CTDP1: variants seen among roughly 807,000 people sequenced by gnomAD.
CTDP1 encodes the protein CTD phosphatase 1.
CTDP1 carries 47 observed loss-of-function variants against 91.8 expected under a neutral mutation model. That is an observed-to-expected ratio of 0.51 (90% CI 0.41 to 0.65). CTDP1 has a LOEUF of 0.65. Ranked by LOEUF, CTDP1 falls within the 30% of genes least tolerant of loss-of-function variation. CTDP1 has a pLI of 0.00. For missense variants in CTDP1, 1,272 were observed against 1,373.7 expected, an observed-to-expected ratio of 0.93 and a Z score of 1.17; for synonymous variants, 656 against 598.5, an observed-to-expected ratio of 1.10 and a Z score of -1.40.
At chr18:79,733,944 T>C (rs1201259517) in intron 11 of CTDP1, among the ~76,000 whole-genome samples, 1 of 152,242 alleles carries the variant, frequency 6.6e-6, no homozygotes, top group Admixed American at 6.5e-5. Flanking sequence ...TTACATACTT[T>C]TAAATTTTCC....
intron 8 of CTDP1, among the ~76,000 whole-genome samples, chr18:79,716,584 CCTT>C (rs1467254755): frequency 6.6e-6 from 1 of 152,064 alleles, no homozygotes; most frequent in Non-Finnish European, 1.5e-5. Flanking sequence ...CCGGGGTCCT[CCTT>C]GGCCCCTCAG....
At chr18:79,710,928 A>G (rs1425146680) in intron 6 of CTDP1, among the ~76,000 whole-genome samples, 3 of 151,994 alleles carry the variant, frequency 2.0e-5, no homozygotes, top group Non-Finnish European at 4.4e-5. Context: ...GAATACTTAG[A>G]AAGTTCCTTT....
At chr18:79,679,578 A>C (rs1299779194), upstream of CTDP1, 6 of 467,048 alleles carry the variant, frequency 1.3e-5, no homozygotes, top group Non-Finnish European at 2.1e-5. Context: ...GCGCGCCAAG[A>C]CCGTCACTGG....
chr18:79,704,129 G>A (rs774121139), intron 4 of CTDP1, among the ~76,000 whole-genome samples: 3 of 152,200 alleles, frequency 2.0e-5, no homozygotes, highest in African/African-American at 4.8e-5. Context: ...GGGCATTCCC[G>A]CAGCAGAGAA....
chr18:79,729,190 G>T (rs895351000), intron 11 of CTDP1, 121 bp downstream of exon 11: 161 of 1,282,864 alleles, frequency 1.3e-4, no homozygotes, highest in Non-Finnish European at 1.8e-4. Context: ...CTGCACTTGT[G>T]TAGTTGTGTC....
At position 79,679,898 on chromosome 18, in the gene CTDP1, TGAGCGCAGCG is replaced by T; in HGVS notation, c.-49_-40del. Reference sequence around the variant, plus strand: ...TGTCGCCGCGGTAGGCGCTGCGCTCTGAGCGCAGCGCAGGCCCCGTACCGACCGCCCGCCC... The same window carrying T: ...TGTCGCCGCGGTAGGCGCTGCGCTCTCAGGCCCCGTACCGACCGCCCGCCC... On this transcript the variant is annotated 5_prime_UTR_variant, in exon 1 of 13. Transcript: ENST00000613122. The T allele has an allele frequency of 7.7e-7, 1 of 1,303,838 alleles. No homozygotes were observed. The highest frequency in any genetic ancestry group is 9.8e-7 in the Non-Finnish European group (1 of 1,016,788). The allele number at this position is 1,303,838 out of a possible 1,614,324, so 80.8% of individuals were successfully genotyped here.
chr18:79,743,050 G>T lies in CTDP1; in HGVS notation c.2747+6529G>T, dbSNP rs553533158. ...TTGCCAGTAGCCGCGCCGAGGAGGG[G>T]CCTAGGATTAAATGACAGCAGATGG... is the stretch of plus-strand genomic sequence containing the variant. On this transcript the variant is annotated intron_variant, in intron 12 of 12. Coordinates refer to ENST00000613122, the MANE Select transcript of CTDP1 (RefSeq NM_004715.5). 4.6e-5 allele frequency among the ~76,000 whole-genome samples: 7 copies of T among 152,352 alleles called. No homozygotes were observed. The East Asian group carries it at 1.3e-3, about 29-fold the overall frequency.
rs79257976 is a variant in CTDP1 at position 79,715,573 on chromosome 18, G to C, written c.2068+45G>C. The C allele has an allele frequency of 4.3e-3, 6,499 of 1,516,910 alleles. 259 individuals carry two copies. In the East Asian group the frequency reaches 0.094, roughly 22 times the overall value. The allele number at this position is 1,516,910 out of a possible 1,614,324, so 94.0% of individuals were successfully genotyped here. Reference sequence around the variant, plus strand: ...GCCCTGGGCATGGTCAGGCCCGCGGGCTCCTTGCAGGCACTCCTTAGAGTT... The same window carrying C: ...GCCCTGGGCATGGTCAGGCCCGCGGCCTCCTTGCAGGCACTCCTTAGAGTT... On this transcript the variant is annotated intron_variant, in intron 8 of 12. Coordinates refer to ENST00000613122, the MANE Select transcript of CTDP1 (RefSeq NM_004715.5).
At position 79,696,053 on chromosome 18, in the gene CTDP1, T is replaced by G; in HGVS notation, c.475T>G (p.Leu159Val). Residue 159 changes from leucine (L) to valine (V), a missense_variant, in exon 3 of 13, where the codon TTG becomes GTG. Physicochemically the swap from Leu to Val is conservative, Grantham distance 32. Transcript: ENST00000613122. ...TVSMVHSVPELMVSSEQAEQL... is the reference protein window; with the variant it reads ...TVSMVHSVPEVMVSSEQAEQL... ...GTCCATGGTGCACAGCGTGCCGGAGTTGATGGTGAGCTCCGAGGTGAGCCG... is the reference window on the plus strand; with the variant it reads ...GTCCATGGTGCACAGCGTGCCGGAGGTGATGGTGAGCTCCGAGGTGAGCCG... 6.2e-7 allele frequency: 1 copy of G among 1,611,766 alleles called. No individual in the cohort carries two copies. Among genetic ancestry groups the G allele is most frequent in the South Asian group, 1.1e-5 (1 of 91,060 alleles).
intron 8 of CTDP1, among the ~76,000 whole-genome samples, chr18:79,716,033 C>T (rs977042991): frequency 6.6e-6 from 1 of 152,226 alleles, no homozygotes; most frequent in African/African-American, 2.4e-5. Context: ...CATGTTGAAA[C>T]TTCCGCCGAA....
chr18:79,749,323 C>A (rs1599325858), intron 12 of CTDP1, among the ~76,000 whole-genome samples: 1 of 152,170 alleles, frequency 6.6e-6, no homozygotes, highest in East Asian at 1.9e-4. Flanking sequence ...GGTCGGGGCC[C>A]CTGCCCCTGC....
chr18:79,736,830 GCAGGCATGTGTGAGGTGTCTA>G (rs2086678843), intron 12 of CTDP1, among the ~76,000 whole-genome samples: 3 of 151,846 alleles, frequency 2.0e-5, no homozygotes, highest in African/African-American at 4.8e-5. Flanking sequence ...GCACGTGTGC[GCAGGCATGTGTGAGGTGTCTA>G]CAGGCGTGTG....
rs1186297884 is a variant in CTDP1 at position 79,750,203 on chromosome 18, A to G, written c.2748-3449A>G. ...CGCGGAGATTTTTTTTTTTTAAGAC[A>G]GGGTCTTGCTCTGTCGCCCAGGCTG... On this transcript the variant is annotated intron_variant, in intron 12 of 12. Transcript: ENST00000613122. Among the ~76,000 whole-genome samples, 6 of 152,016 alleles carry G rather than the reference A, an allele frequency of 3.9e-5. No homozygotes were observed. The East Asian group carries it at 1.2e-3, about 29-fold the overall frequency.
chr18:79,713,972 TC>T lies in CTDP1; in HGVS notation c.1031-518del, dbSNP rs2086136828. ...GGCTTACGGCCACGGTGGCGCCAGGTCTGCAGGGGCTTACGGCCACGGTGGT... is the reference window on the plus strand; with the variant it reads ...GGCTTACGGCCACGGTGGCGCCAGGTTGCAGGGGCTTACGGCCACGGTGGT... On this transcript the variant is annotated intron_variant, in intron 7 of 12. Transcript: ENST00000613122. This position sits in a 1 kb window ranked among gnomAD's most constrained non-coding sequence, Gnocchi z 4.7. Among the ~76,000 whole-genome samples the T allele has an allele frequency of 1.9e-5, 2 of 107,926 alleles. No homozygotes were observed. The highest frequency in any genetic ancestry group is 6.3e-5 in the African/African-American group (2 of 31,802). 70.8% of individuals were successfully genotyped at this position (107,926 alleles called of 152,430 possible). A position where few individuals can be genotyped will look rare whatever the true frequency, so the allele number is the denominator to read the frequency against.
chr18:79,704,904 A>G lies in CTDP1; in HGVS notation c.759A>G (p.Ala253=), dbSNP rs978655653. The G allele has an allele frequency of 3.7e-6, 6 of 1,613,340 alleles. No individual in the cohort carries two copies. The Admixed American group carries it at 6.7e-5, about 18-fold the overall frequency. ...TCACCTTCGGCAGCCGGCTGTACGC[A>G]CACACCATCGCAGGTCAGTCAAGCC... The part of the protein sequence containing the change: ...HVFTFGSRLY[A]HTIAGFLDPE... Residue 253 remains alanine, a synonymous_variant, in exon 5 of 13, where the codon GCA becomes GCG. Coordinates refer to ENST00000613122, the MANE Select transcript of CTDP1 (RefSeq NM_004715.5).
At chr18:79,746,485 C>T (rs114910264) in intron 12 of CTDP1, among the ~76,000 whole-genome samples, 2,900 of 152,364 alleles carry the variant, frequency 0.019, 97 homozygotes, top group African/African-American at 0.065. Flanking sequence ...ACATAGCACG[C>T]GGAGTTTTGG....
chr18:79,733,410 G>A lies in CTDP1; in HGVS notation c.2581-2945G>A, dbSNP rs530758964. Among the ~76,000 whole-genome samples, 3 of 152,340 alleles carry A rather than the reference G, an allele frequency of 2.0e-5. No individual in the cohort carries two copies. The East Asian group carries it at 5.8e-4, about 29-fold the overall frequency. ...CATGGAACTGCGGGGAAGGGAAGGT[G>A]CCGGAACCAGGGCTGGGAGATCACT... is the stretch of plus-strand genomic sequence containing the variant. On this transcript the variant is annotated intron_variant, in intron 11 of 12. Coordinates refer to ENST00000613122, the MANE Select transcript of CTDP1 (RefSeq NM_004715.5).
At chr18:79,753,102 G>A (rs112483403) in intron 12 of CTDP1, among the ~76,000 whole-genome samples, 6 of 129,442 alleles carry the variant, frequency 4.6e-5, no homozygotes, top group African/African-American at 1.3e-4. Context: ...GCAGAGGCTC[G>A]TAAGGAAAGC....
At chr18:79,736,847 G>A (rs141076658) in intron 12 of CTDP1, among the ~76,000 whole-genome samples, 2 of 150,234 alleles carry the variant, frequency 1.3e-5, no homozygotes, top group East Asian at 2.0e-4. Context: ...TGTGTGAGGT[G>A]TCTACAGGCG....
Sources: gnomAD v4.1 joint callset for allele counts (sites outside exome capture counted in the v4.1 genomes callset) on GRCh38, gnomAD v4.1.1 for gene constraint, Gnocchi (gnomAD v3.1) non-coding constraint, MANE v1.5 for transcripts, NCBI Gene and HGNC (gene_info 2026-07-23, HGNC 2026-07-21) for gene names.